STXBP6: variants seen among roughly 807,000 people sequenced by gnomAD.
STXBP6 encodes syntaxin-binding protein 6.
Under a neutral mutation model 26.9 loss-of-function variants are expected in STXBP6, and 21 were observed. The ratio of observed to expected loss-of-function variants is 0.78; its 90% CI spans 0.55 to 1.12. The LOEUF is 1.12. Ranked by LOEUF, STXBP6 falls within the 50% of genes most tolerant of loss-of-function variation. The pLI, the probability that STXBP6 is intolerant of heterozygous loss-of-function variation, is 0.00. For synonymous variants in STXBP6, 97 were observed against 92.6 expected, an observed-to-expected ratio of 1.05 and a Z score of -0.27; for missense variants, 232 against 257.9, an observed-to-expected ratio of 0.90 and a Z score of 0.69.
intron 1 of STXBP6, among the ~76,000 whole-genome samples, chr14:25,016,458 A>G (rs558479319): frequency 6.6e-6 from 1 of 152,294 alleles, no homozygotes; most frequent in South Asian, 2.1e-4. Flanking sequence ...GAGAGTGAGT[A>G]TTTCCTGGCC....
chr14:24,875,074 A>G (rs1262654028), intron 2 of STXBP6, among the ~76,000 whole-genome samples: 1 of 152,224 alleles, frequency 6.6e-6, no homozygotes, highest in Non-Finnish European at 1.5e-5. Context: ...ACTGCAGCTA[A>G]CTGAATAACA....
chr14:24,914,468 C>T (rs1024337988), intron 2 of STXBP6, among the ~76,000 whole-genome samples: 6 of 152,044 alleles, frequency 3.9e-5, no homozygotes, highest in African/African-American at 9.7e-5. Flanking sequence ...AGTCAAAGGA[C>T]GAAAAATCTA....
At chr14:24,821,125 A>C (rs1257804702) in intron 4 of STXBP6, among the ~76,000 whole-genome samples, 1 of 152,182 alleles carries the variant, frequency 6.6e-6, no homozygotes. Context: ...GAGTTGGGAG[A>C]GGGCACAAGA....
intron 1 of STXBP6, among the ~76,000 whole-genome samples, chr14:25,034,185 C>T (rs1342955870): frequency 6.6e-6 from 1 of 152,166 alleles, no homozygotes; most frequent in African/African-American, 2.4e-5. Context: ...TACCCAAACA[C>T]TTACTGAAAG....
chr14:25,029,633 A>G (rs972158481), intron 1 of STXBP6, among the ~76,000 whole-genome samples: 2 of 152,138 alleles, frequency 1.3e-5, no homozygotes, highest in Non-Finnish European at 2.9e-5. Context: ...TATTTTAAAC[A>G]ACCACAAAGA....
chr14:24,916,499 T>C (rs1033472338), intron 2 of STXBP6, among the ~76,000 whole-genome samples: 2 of 152,084 alleles, frequency 1.3e-5, no homozygotes, highest in African/African-American at 4.8e-5. Context: ...TAAGGGGAGA[T>C]TTTATTTCTT....
chr14:24,846,885 TTATCA>T (rs1437914698), intron 4 of STXBP6, among the ~76,000 whole-genome samples: 1 of 152,178 alleles, frequency 6.6e-6, no homozygotes, highest in Non-Finnish European at 1.5e-5. Context: ...TTTTAGAAGT[TTATCA>T]TATAATGTGA....
chr14:24,863,741 G>T (rs1027053001), intron 2 of STXBP6, among the ~76,000 whole-genome samples: 1 of 151,798 alleles, frequency 6.6e-6, no homozygotes, highest in African/African-American at 2.4e-5. Flanking sequence ...CAACCCAAAA[G>T]GTTTCCCAAT....
chr14:24,980,284 C>T (rs572309344), intron 1 of STXBP6, among the ~76,000 whole-genome samples: 13 of 152,264 alleles, frequency 8.5e-5, no homozygotes, highest in African/African-American at 3.1e-4. Flanking sequence ...GCCAATTTAG[C>T]CCCTTTAAAA....
At chr14:24,952,747 A>G (rs2140068789) in intron 2 of STXBP6, among the ~76,000 whole-genome samples, 1 of 152,274 alleles carries the variant, frequency 6.6e-6, no homozygotes, top group African/African-American at 2.4e-5. Flanking sequence ...AGCATTAGGG[A>G]AAAAAGGTAC....
intron 2 of STXBP6, among the ~76,000 whole-genome samples, chr14:24,929,267 C>A (rs754453626): frequency 1.3e-5 from 2 of 152,224 alleles, no homozygotes; most frequent in Non-Finnish European, 2.9e-5. Flanking sequence ...GCCTTTCAGT[C>A]TTCCAATTCT....
chr14:24,978,688 A>G (rs149187453), intron 1 of STXBP6, among the ~76,000 whole-genome samples: 99 of 152,358 alleles, frequency 6.5e-4, no homozygotes, highest in Non-Finnish European at 1.2e-3. Context: ...GCTGGTTCCC[A>G]TAAGTGTTAG....
At chr14:24,849,668 A>T (rs1159485267) in intron 4 of STXBP6, among the ~76,000 whole-genome samples, 1 of 152,160 alleles carries the variant, frequency 6.6e-6, no homozygotes, top group African/African-American at 2.4e-5. Flanking sequence ...GAACTATGCC[A>T]TGGATTCCTG....
intron 2 of STXBP6, among the ~76,000 whole-genome samples, chr14:24,899,780 CAAAAAAAAA>C (rs58367371): frequency 2.1e-5 from 1 of 46,876 alleles, no homozygotes; most frequent in East Asian, 7.5e-4. Context: ...GACTACATTT[CAAAAAAAAA>C]AAAAAAAAAA....
chr14:24,999,176 C>T (rs765846804), intron 1 of STXBP6, among the ~76,000 whole-genome samples: 1 of 152,152 alleles, frequency 6.6e-6, no homozygotes, highest in Non-Finnish European at 1.5e-5. Flanking sequence ...CATCATAAGT[C>T]AGGGATTGTC....
Position 25,049,437 on chromosome 14 carries a change from C to G in STXBP6, c.-33+441G>C. On this transcript the variant is annotated intron_variant, in intron 1 of 5. Transcript: ENST00000323944. This position sits in a 1 kb window ranked among gnomAD's most constrained non-coding sequence, Gnocchi z 5.6. Reference sequence around the variant, plus strand: ...AGAGTTCGCGAAGATCGGAGTGATTCGCGGATTTCTGCGCTCAAGCTAGAG... The same window carrying G: ...AGAGTTCGCGAAGATCGGAGTGATTGGCGGATTTCTGCGCTCAAGCTAGAG... 1 of 985,372 alleles carries G rather than the reference C, an allele frequency of 1.0e-6. No homozygotes were observed. Among genetic ancestry groups the G allele is most frequent in the Non-Finnish European group, 1.2e-6 (1 of 829,922 alleles). 61.0% of individuals were successfully genotyped at this position (985,372 alleles called of 1,614,324 possible). A position where few individuals can be genotyped will look rare whatever the true frequency, so the allele number is the denominator to read the frequency against.
At chr14:25,033,842 T>G (rs555202431) in intron 1 of STXBP6, among the ~76,000 whole-genome samples, 1 of 152,292 alleles carries the variant, frequency 6.6e-6, no homozygotes, top group Admixed American at 6.5e-5. Flanking sequence ...TGAAAATCGG[T>G]TACACACGTA....
At chr14:24,949,430 C>T (rs2073093189) in intron 2 of STXBP6, among the ~76,000 whole-genome samples, 1 of 152,068 alleles carries the variant, frequency 6.6e-6, no homozygotes, top group East Asian at 1.9e-4. Context: ...CACTAAGTGG[C>T]CTTGAAAAGA....
rs2075765764 is a variant in STXBP6 at position 25,049,003 on chromosome 14, G to C, written c.-33+875C>G. 1 of 247,472 alleles carries C rather than the reference G, an allele frequency of 4.0e-6. No individual in the cohort carries two copies. The highest frequency in any genetic ancestry group is 6.4e-6 in the Non-Finnish European group (1 of 155,284). The allele number at this position is 247,472 out of a possible 1,614,324, so 15.3% of individuals were successfully genotyped here. A position where few individuals can be genotyped will look rare whatever the true frequency, so the allele number is the denominator to read the frequency against. On this transcript the variant is annotated intron_variant, in intron 1 of 5. Coordinates refer to ENST00000323944, the MANE Select transcript of STXBP6 (RefSeq NM_001394410.1). The surrounding 1 kb of genome is among the most constrained non-coding windows in gnomAD (Gnocchi z 5.6). Reference sequence around the variant, plus strand: ...CCCAGTCCCTAGGGAAGCGTAATAGGAAGGGGAGAAGGTTCGTTATGAAAT... The same window carrying C: ...CCCAGTCCCTAGGGAAGCGTAATAGCAAGGGGAGAAGGTTCGTTATGAAAT...
Sources: gnomAD v4.1 joint callset for allele counts (sites outside exome capture counted in the v4.1 genomes callset) on GRCh38, gnomAD v4.1.1 for gene constraint, Gnocchi (gnomAD v3.1) non-coding constraint, MANE v1.5 for transcripts, NCBI Gene and HGNC (gene_info 2026-07-23, HGNC 2026-07-21) for gene names.